Variants in GCA observed in about 807,000 individuals in gnomAD.
The protein encoded by GCA is grancalcin, also known as grancalcin, EF-hand calcium-binding protein.
In GCA, 30 loss-of-function variants were observed where a neutral mutation model predicts 32.6. That is an observed-to-expected ratio of 0.92 (90% confidence interval 0.69 to 1.25). GCA has a LOEUF of 1.25. Ranked by LOEUF, GCA falls within the 50% of genes most tolerant of loss-of-function variation. The pLI is 0.00. For synonymous variants in GCA, 102 were observed against 84.6 expected, an observed-to-expected ratio of 1.21 and a Z score of -1.13; for missense variants, 291 against 266.8, an observed-to-expected ratio of 1.09 and a Z score of -0.63.
rs147384920 is a variant in GCA at position 162,345,871 on chromosome 2, C to T, written c.27+1596C>T. Among the ~76,000 whole-genome samples the T allele has an allele frequency of 9.2e-5, 14 of 152,162 alleles. No homozygotes were observed. In the East Asian group the frequency reaches 1.9e-3, roughly 21 times the overall value. ...CGTTTATAAATCCTGTTAAAGGAAA[C>T]CCATGCCTTATTAATGTTTCTTATA... On this transcript the variant is annotated intron_variant, in intron 1 of 7. Coordinates refer to ENST00000437150, the MANE Select transcript of GCA (RefSeq NM_012198.5).
chr2:162,324,547 C>A (rs1287916389), intron 1 of GCA, among the ~76,000 whole-genome samples: 1 of 152,180 alleles, frequency 6.6e-6, no homozygotes, highest in African/African-American at 2.4e-5. Context: ...TTGAGTCCAG[C>A]TGCCTCTGTG....
At chr2:162,319,605 AC>A (rs755866630) in intron 1 of GCA, among the ~76,000 whole-genome samples, 1 of 151,890 alleles carries the variant, frequency 6.6e-6, no homozygotes. Context: ...GAGAAAAAAA[AC>A]ATATTCACAC....
At chr2:162,323,758 A>T (rs1471430751) in intron 1 of GCA, among the ~76,000 whole-genome samples, 2 of 151,662 alleles carry the variant, frequency 1.3e-5, no homozygotes, top group Non-Finnish European at 2.9e-5. Flanking sequence ...GTTCTGTTCC[A>T]TTGATCTATA....
At position 162,356,842 on chromosome 2, in the gene GCA, G is replaced by C. The variant is rs767237823; in HGVS notation, c.391G>C (p.Val131Leu). Reference sequence around the variant, plus strand: ...TGCCTGGAAGGAAAACTTCATGACTGTTGATCAAGATGGAAGTGGCACAGT... The same window carrying C: ...TGCCTGGAAGGAAAACTTCATGACTCTTGATCAAGATGGAAGTGGCACAGT... Reference protein sequence around the residue: ...LNAWKENFMTVDQDGSGTVEH... With the variant: ...LNAWKENFMTLDQDGSGTVEH... The change falls in exon 5 of 8, where the codon GTT (valine) becomes CTT (leucine). Residue 131 changes from valine (V) to leucine (L), a missense_variant. By Grantham distance (32) the Val-to-Leu change is conservative. Transcript: ENST00000437150. 6.2e-7 allele frequency: 1 copy of C among 1,610,550 alleles called. No homozygotes were observed. Among genetic ancestry groups the C allele is most frequent in the Non-Finnish European group, 8.5e-7 (1 of 1,177,380 alleles).
chr2:162,370,331 C>G (rs1197339770), intron 4 of GCA, among the ~76,000 whole-genome samples: 1 of 152,052 alleles, frequency 6.6e-6, no homozygotes, highest in Non-Finnish European at 1.5e-5. Flanking sequence ...TATAATGGAT[C>G]AGAGTTCATA....
At position 162,362,065 on chromosome 2, in the gene GCA, T is replaced by C; in HGVS notation, c.*1822T>C. On this transcript the variant is annotated 3_prime_UTR_variant, in exon 8 of 8. Coordinates refer to ENST00000437150, the MANE Select transcript of GCA (RefSeq NM_012198.5). The stretch of plus-strand genomic sequence containing the variant: ...TTAGAACTCTTTAACACAATTTTCA[T>C]TTAAAAATGTTCTTATGACTTTTGG... 1.0e-6 allele frequency: 1 copy of C among 982,886 alleles called. No individual in the cohort carries two copies. The highest frequency in any genetic ancestry group is 1.2e-6 in the Non-Finnish European group (1 of 827,842). The allele number at this position is 982,886 out of a possible 1,614,324, so 60.9% of individuals were successfully genotyped here.
At chr2:162,322,414 TTTA>T (rs201262435) in intron 1 of GCA, among the ~76,000 whole-genome samples, 4 of 128,688 alleles carry the variant, frequency 3.1e-5, no homozygotes, top group Admixed American at 2.1e-4. Context: ...TATTTATTTA[TTTA>T]TTATTATACT....
At chr2:162,371,552 T>C (rs1685947141) in exon 5 of GCA, 1 of 864,238 alleles carries the variant, frequency 1.2e-6, no homozygotes, top group South Asian at 2.4e-5. Flanking sequence ...GAAATTGGAG[T>C]TTCCTAACAT....
chr2:162,344,386 T>C (rs930440254), intron 1 of GCA, 111 bp downstream of exon 1: 4 of 1,045,542 alleles, frequency 3.8e-6, no homozygotes, highest in Admixed American at 2.1e-5. Context: ...CGTCCGCGCC[T>C]GGTACTCGGC....
chr2:162,344,120 A>T, upstream of GCA: 1 of 940,816 alleles, frequency 1.1e-6, no homozygotes, highest in Non-Finnish European at 1.7e-6. Flanking sequence ...CGGAGGAGTG[A>T]ACTGTGCGGT....
intron 1 of GCA, among the ~76,000 whole-genome samples, chr2:162,328,208 C>T (rs568369234): frequency 5.9e-5 from 8 of 135,516 alleles, no homozygotes; most frequent in African/African-American, 2.3e-4. Flanking sequence ...TGGTGAAACC[C>T]TGTTTCTACC....
chr2:162,348,163 C>A (rs2105316936), intron 2 of GCA, among the ~76,000 whole-genome samples: 1 of 152,238 alleles, frequency 6.6e-6, no homozygotes, highest in Middle Eastern at 3.4e-3. Context: ...TTAGGAGCAT[C>A]ATACTCTCCC....
In GCA at chr2:162,360,803, T is replaced by C. The variant is rs1390894529; in HGVS notation, c.*560T>C. On this transcript the variant is annotated 3_prime_UTR_variant, in exon 8 of 8. Transcript: ENST00000437150. ...GAAGAAAATTATCTCCCTAGTTCAA[T>C]CTGTAGTGAAATAAGACTACAGAAG... 2.3e-6 allele frequency: 3 copies of C among 1,307,120 alleles called. No homozygotes were observed. 81.0% of individuals were successfully genotyped at this position (1,307,120 alleles called of 1,614,324 possible).
chr2:162,324,956 T>C (rs1281558554), intron 1 of GCA, among the ~76,000 whole-genome samples: 1 of 152,132 alleles, frequency 6.6e-6, no homozygotes, highest in Non-Finnish European at 1.5e-5. Flanking sequence ...GAGGCTCCGA[T>C]TGCCTGACCA....
At chr2:162,375,017 G>A (rs1686111153), downstream of GCA, among the ~76,000 whole-genome samples, 1 of 151,998 alleles carries the variant, frequency 6.6e-6, no homozygotes, top group South Asian at 2.1e-4. Flanking sequence ...ACTGTTATGT[G>A]TTATACATAT....
intron 7 of GCA, 45 bp downstream of exon 7, chr2:162,359,597 CTCAG>C (rs757111370): frequency 3.1e-6 from 3 of 956,456 alleles, no homozygotes; most frequent in African/African-American, 3.3e-5. Flanking sequence ...CTAGATAGTT[CTCAG>C]TTAGTAAAAA....
At position 162,344,271 on chromosome 2, in the gene GCA, G is replaced by T; in HGVS notation, c.23G>T (p.Gly8Val). MAYPGYG[G>V]GFGNFSIQVP... is the part of the protein sequence containing the mutation. ...GTCATGGCCTACCCGGGATACGGAGGAGGGGTGAGTCCCAGCCGCTTGGTC... is the reference window on the plus strand; with the variant it reads ...GTCATGGCCTACCCGGGATACGGAGTAGGGGTGAGTCCCAGCCGCTTGGTC... Residue 8 changes from glycine to valine, a missense_variant, in exon 1 of 8, where the codon GGA (glycine) becomes GTA (valine). By Grantham distance (109) the Gly-to-Val change is moderately radical (BLOSUM62 -3). Coordinates refer to ENST00000437150, the MANE Select transcript of GCA (RefSeq NM_012198.5). 1 of 1,613,726 alleles carries T rather than the reference G, an allele frequency of 6.2e-7. No individual in the cohort carries two copies. The highest frequency in any genetic ancestry group is 8.5e-7 in the Non-Finnish European group (1 of 1,179,872).
chr2:162,355,614 T>C (rs1194404054), intron 3 of GCA, among the ~76,000 whole-genome samples: 1 of 152,038 alleles, frequency 6.6e-6, no homozygotes. Context: ...TTAGAAAAAT[T>C]AGAAAAGGAT....
Position 162,352,353 on chromosome 2 carries a change from G to A in GCA, c.208G>A (p.Ala70Thr). ...TTTTAAACAGGATGGTGAAGTGGATGCTGAAGAACTTCAGAGATGTTTGAC... is the reference window on the plus strand; with the variant it reads ...TTTTAAACAGGATGGTGAAGTGGATACTGAAGAACTTCAGAGATGTTTGAC... ...AVAGQDGEVD[A>T]EELQRCLTQS... The change falls in exon 3 of 8, where the codon GCT becomes ACT. Residue 70 changes from alanine (A) to threonine (T), a missense_variant. Ala to Thr is a moderately conservative substitution (Grantham distance 58). Transcript: ENST00000437150. 2 of 1,580,188 alleles carry A rather than the reference G, an allele frequency of 1.3e-6. No individual in the cohort carries two copies. Among genetic ancestry groups the A allele is most frequent in the Non-Finnish European group, 1.7e-6 (2 of 1,149,346 alleles).
Sources: allele counts gnomAD v4.1 joint callset (sites outside exome capture counted in the v4.1 genomes callset), GRCh38; gene constraint gnomAD v4.1.1; transcripts MANE v1.5; gene names NCBI Gene and HGNC (gene_info 2026-07-23, HGNC 2026-07-21).